The following STRN variants were observed in gnomAD, a reference collection of about 807,000 sequenced individuals.
The protein encoded by STRN is striatin, also known as protein phosphatase 2 regulatory subunit B'''alpha.
In STRN, 53 loss-of-function variants were observed where a neutral mutation model predicts 96.3. The ratio of observed to expected loss-of-function variants is 0.55; its 90% CI spans 0.44 to 0.69. The LOEUF is 0.69. STRN is among the 30% of genes least tolerant of loss of function. The pLI, the probability that STRN is intolerant of heterozygous loss-of-function variation, is 0.00. For missense variants in STRN, 987 were observed against 963.9 expected (o/e 1.02, Z -0.32); for synonymous variants, 428 against 355.9 (o/e 1.20, Z -2.28).
At position 36,924,959 on chromosome 2, in the gene STRN, G is replaced by A. The variant is rs1572679000; in HGVS notation, c.338+146C>T. On this transcript the variant is annotated intron_variant, in intron 2 of 17. Coordinates refer to ENST00000263918, the MANE Select transcript of STRN (RefSeq NM_003162.4). The stretch of plus-strand genomic sequence containing the variant: ...TAATCCCAGCTACTGGGGAGGCTGA[G>A]GCAGGAGAATTGCTTGAAACCGGGA... 56 of 623,500 alleles carry A rather than the reference G, an allele frequency of 9.0e-5. No homozygotes were observed. In the East Asian group the frequency reaches 1.5e-3, roughly 17 times the overall value. The allele number at this position is 623,500 out of a possible 1,614,324, so 38.6% of individuals were successfully genotyped here.
chr2:36,950,658 G>C (rs577606041), intron 1 of STRN, among the ~76,000 whole-genome samples: 2 of 152,152 alleles, frequency 1.3e-5, no homozygotes, highest in South Asian at 2.1e-4. Context: ...CCAGTGCCTA[G>C]GAGAATGCCA....
intron 1 of STRN, among the ~76,000 whole-genome samples, chr2:36,929,714 C>G (rs1670521859): frequency 6.6e-6 from 1 of 152,028 alleles, no homozygotes; most frequent in South Asian, 2.1e-4. Flanking sequence ...ACCTTGTATT[C>G]TAAAATTTAA....
At chr2:36,956,049 A>G (rs1664879526) in intron 1 of STRN, among the ~76,000 whole-genome samples, 1 of 152,154 alleles carries the variant, frequency 6.6e-6, no homozygotes, top group Non-Finnish European at 1.5e-5. Context: ...AGCACTCAAA[A>G]AGATTTAGAT....
rs1376223798 is a variant in STRN, at chr2:36,895,834, G to A, written c.796-1801C>T. Among the ~76,000 whole-genome samples, 5 of 151,974 alleles carry A rather than the reference G, an allele frequency of 3.3e-5. No homozygotes were observed. The East Asian group carries it at 9.7e-4, about 29-fold the overall frequency. Reference sequence around the variant, plus strand: ...AGCTACTCGGGAGGCTGAGGCAGGAGAATGGCGTGAACCCAGGAGGCGGAG... The same window carrying A: ...AGCTACTCGGGAGGCTGAGGCAGGAAAATGGCGTGAACCCAGGAGGCGGAG... On this transcript the variant is annotated intron_variant, in intron 6 of 17. Coordinates refer to ENST00000263918, the MANE Select transcript of STRN (RefSeq NM_003162.4).
intron 14 of STRN, among the ~76,000 whole-genome samples, chr2:36,856,886 G>C (rs1243226764): frequency 6.6e-6 from 1 of 152,014 alleles, no homozygotes; most frequent in Non-Finnish European, 1.5e-5. Flanking sequence ...TCTTCCTCCT[G>C]CTCCGGCCAT....
chr2:36,965,120 T>A (rs574993356), intron 1 of STRN, among the ~76,000 whole-genome samples: 2 of 152,320 alleles, frequency 1.3e-5, no homozygotes, highest in South Asian at 4.1e-4. Context: ...TTCTTTTTTT[T>A]CTTAAGCGCC....
chr2:36,878,657 G>A (rs111585677), intron 9 of STRN, among the ~76,000 whole-genome samples: 301 of 152,196 alleles, frequency 2.0e-3, no homozygotes, highest in Non-Finnish European at 3.7e-3. Flanking sequence ...ATTCTATCTT[G>A]ATGACAATTC....
intron 7 of STRN, among the ~76,000 whole-genome samples, chr2:36,889,960 T>G (rs1669344768): frequency 6.6e-6 from 1 of 152,228 alleles, no homozygotes; most frequent in African/African-American, 2.4e-5. Context: ...CACTGAGCTA[T>G]GACTCACACG....
chr2:36,877,652 T>C (rs1668948690), intron 10 of STRN, among the ~76,000 whole-genome samples: 1 of 151,372 alleles, frequency 6.6e-6, no homozygotes. Context: ...TCTCCTGCCA[T>C]AGCCCCCCTA....
chr2:36,870,720 TG>T (rs1469171546), intron 10 of STRN, among the ~76,000 whole-genome samples: 1 of 152,188 alleles, frequency 6.6e-6, no homozygotes, highest in African/African-American at 2.4e-5. Flanking sequence ...TACTGGTTTA[TG>T]TTATTTATTA....
intron 14 of STRN, 104 bp downstream of exon 14, chr2:36,857,752 C>G: frequency 2.0e-6 from 2 of 990,870 alleles, no homozygotes; most frequent in Non-Finnish European, 2.8e-6. Context: ...CAAAAACTTT[C>G]AAATTAAATT....
chr2:36,862,226 T>G (rs528857979), intron 12 of STRN, among the ~76,000 whole-genome samples: 1 of 152,350 alleles, frequency 6.6e-6, no homozygotes, highest in South Asian at 2.1e-4. Flanking sequence ...TTAACACACA[T>G]GCATGTGTCT....
At chr2:36,876,432 T>C (rs1668913982) in intron 10 of STRN, among the ~76,000 whole-genome samples, 1 of 152,102 alleles carries the variant, frequency 6.6e-6, no homozygotes, top group Non-Finnish European at 1.5e-5. Flanking sequence ...TCAACTGTCT[T>C]TGGAGGTAGA....
In STRN at chr2:36,857,946, G is replaced by A. The variant is rs766833695; in HGVS notation, c.1747C>T (p.Arg583Cys). ...CCATCTGCTGAACAGGACAACAAAC[G>A]CTGATGTGCTGCACTATAAGCCAAA... is the stretch of plus-strand genomic sequence containing the variant. ...WGLAYSAAHQ[R>C]LLSCSADGTL... Residue 583 changes from arginine (R) to cysteine (C), a missense_variant, in exon 14 of 18, where the codon CGT (arginine) becomes TGT (cysteine). Transcript: ENST00000263918. 8 of 1,613,694 alleles carry A rather than the reference G, an allele frequency of 5.0e-6. No individual in the cohort carries two copies. Among genetic ancestry groups the A allele is most frequent in the Non-Finnish European group, 4.2e-6 (5 of 1,179,878 alleles).
intron 8 of STRN, among the ~76,000 whole-genome samples, chr2:36,886,264 G>A (rs1669223587): frequency 6.6e-6 from 1 of 152,096 alleles, no homozygotes; most frequent in African/African-American, 2.4e-5. Context: ...TGCATGTTAT[G>A]AACACATAGA....
At chr2:36,895,635 G>C (rs1009183186) in intron 6 of STRN, among the ~76,000 whole-genome samples, 2 of 151,954 alleles carry the variant, frequency 1.3e-5, no homozygotes, top group African/African-American at 2.4e-5. Flanking sequence ...ATCTGGGCCA[G>C]GTACGGTGGC....
intron 15 of STRN, among the ~76,000 whole-genome samples, chr2:36,854,839 A>C (rs1327638545): frequency 6.6e-6 from 1 of 152,228 alleles, no homozygotes; most frequent in Non-Finnish European, 1.5e-5. Flanking sequence ...ATTGAGCTGT[A>C]CCAAATCATA....
intron 1 of STRN, among the ~76,000 whole-genome samples, chr2:36,926,168 C>T (rs1453366740): frequency 2.6e-5 from 4 of 152,066 alleles, no homozygotes; most frequent in Admixed American, 1.3e-4. Context: ...GAACATGAAA[C>T]GAACTGTAAA....
At chr2:36,850,675 A>C (rs1668195450) in intron 16 of STRN, among the ~76,000 whole-genome samples, 1 of 152,194 alleles carries the variant, frequency 6.6e-6, no homozygotes, top group African/African-American at 2.4e-5. Context: ...CCAATATATA[A>C]TACTACAATA....
Sources: gnomAD v4.1 joint callset for allele counts (sites outside exome capture counted in the v4.1 genomes callset) on GRCh38, gnomAD v4.1.1 for gene constraint, MANE v1.5 for transcripts, NCBI Gene and HGNC (gene_info 2026-07-23, HGNC 2026-07-21) for gene names.